The following EIF3L variants were observed in gnomAD, a reference collection of about 807,000 sequenced individuals.
The protein encoded by EIF3L is eukaryotic translation initiation factor 3 subunit L.
Under a neutral mutation model 74.6 loss-of-function variants are expected in EIF3L, and 32 were observed. The ratio of observed to expected loss-of-function variants is 0.43; its 90% confidence interval spans 0.32 to 0.58. EIF3L has a LOEUF of 0.58. Among genes scored for constraint, EIF3L ranks in the 20% least tolerant of loss-of-function variants. EIF3L has a pLI of 0.06. For missense variants in EIF3L, 474 were observed against 707.8 expected (o/e 0.67, Z 3.75); for synonymous variants, 256 against 254.4 (o/e 1.01, Z -0.06).
intron 12 of EIF3L, chr22:37,887,313 A>G (rs1474191278): frequency 6.6e-6 from 1 of 152,172 alleles, no homozygotes; most frequent in Non-Finnish European, 1.5e-5. Flanking sequence ...TCAAGAAAAA[A>G]AAAAAAGAAA....
chr22:37,854,027 C>T (rs1215755797), intron 3 of EIF3L, among the ~76,000 whole-genome samples: 3 of 152,190 alleles, frequency 2.0e-5, no homozygotes, highest in African/African-American at 7.2e-5. Flanking sequence ...TGGGCAGTGC[C>T]CGCAGATACA....
chr22:37,877,648 A>G, intron 10 of EIF3L, 26 bp from the exon 11 acceptor site: 1 of 1,571,632 alleles, frequency 6.4e-7, no homozygotes, highest in Non-Finnish European at 8.6e-7. Flanking sequence ...CATTTGACCC[A>G]GTACCACTCT....
At chr22:37,867,292 C>T (rs1926200057) in intron 7 of EIF3L, among the ~76,000 whole-genome samples, 1 of 152,144 alleles carries the variant, frequency 6.6e-6, no homozygotes, top group South Asian at 2.1e-4. Context: ...GCGTGAGCCA[C>T]CATGCCTAGC....
chr22:37,888,510 A>C lies in EIF3L; in HGVS notation c.*46A>C, dbSNP rs752994108. On this transcript the variant is annotated 3_prime_UTR_variant, in exon 13 of 13. Coordinates refer to ENST00000652021, the MANE Select transcript of EIF3L (RefSeq NM_016091.4). ...GAACCTGTTTTGATGTATTATAGGC[A>C]GGAAGTGTTTTTGCTACCGTGAAAC... 6.2e-7 allele frequency: 1 copy of C among 1,603,284 alleles called. No homozygotes were observed. The highest frequency in any genetic ancestry group is 1.1e-5 in the South Asian group (1 of 90,206).
chr22:37,871,707 A>C (rs1926479573), intron 8 of EIF3L, among the ~76,000 whole-genome samples: 2 of 151,848 alleles, frequency 1.3e-5, no homozygotes, highest in South Asian at 4.2e-4. Context: ...ATCTCTACTA[A>C]AAATACAAAA....
intron 11 of EIF3L, chr22:37,882,901 G>A (rs1258353329): frequency 1.3e-5 from 2 of 151,940 alleles, no homozygotes; most frequent in Non-Finnish European, 2.9e-5. Flanking sequence ...TTGGGAGGCT[G>A]AGGCAGGAGA....
chr22:37,878,118 G>T lies in EIF3L; in HGVS notation c.1522G>T (p.Ala508Ser), dbSNP rs960022400. 4.3e-6 allele frequency: 7 copies of T among 1,613,736 alleles called. No homozygotes were observed. The highest frequency in any genetic ancestry group is 5.9e-6 in the Non-Finnish European group (7 of 1,179,884). Reference sequence around the variant, plus strand: ...CCTCGTGTGGACCAGCGGTATCTCAGCCCTGGATGGTGAATTTCAGTCAGC... The same window carrying T: ...CCTCGTGTGGACCAGCGGTATCTCATCCCTGGATGGTGAATTTCAGTCAGC... ...KNLVWTSGISALDGEFQSASE... is the reference protein window; with the variant it reads ...KNLVWTSGISSLDGEFQSASE... The change falls in exon 11 of 13, where the codon GCC (alanine) becomes TCC (serine). Residue 508 changes from alanine (A) to serine (S), a missense_variant. By Grantham distance (99) the Ala-to-Ser change is moderately conservative. Around this residue, in one of 4 missense-constraint regions of EIF3L, gnomAD observed 293 missense variants for 469.1 expected, o/e 0.62. Transcript: ENST00000652021.
At chr22:37,860,593 G>A (rs1225192738) in intron 5 of EIF3L, among the ~76,000 whole-genome samples, 3 of 152,186 alleles carry the variant, frequency 2.0e-5, no homozygotes, top group South Asian at 2.1e-4. Flanking sequence ...GGCTGGTCTC[G>A]AACTCCTGAC....
rs531378726 is a variant in EIF3L at position 37,851,562 on chromosome 22, G to GT, written c.293+73dup. 1.8e-4 allele frequency: 150 copies of GT among 842,676 alleles called. No homozygotes were observed. The African/African-American group carries it at 2.5e-3, about 14-fold the overall frequency. The allele number at this position is 842,676 out of a possible 1,614,324, so 52.2% of individuals were successfully genotyped here. ...TGGTAATATAGTTCCTACAAATGAG[G>GT]TGAGCACTCTGTAAACAGTACTTTC... On this transcript the variant is annotated intron_variant, in intron 3 of 12. Coordinates refer to ENST00000652021, the MANE Select transcript of EIF3L (RefSeq NM_016091.4).
In EIF3L at chr22:37,863,119, TTTA is replaced by T; in HGVS notation, c.505+82_505+84del. On this transcript the variant is annotated intron_variant, in intron 6 of 12. Coordinates refer to ENST00000652021, the MANE Select transcript of EIF3L (RefSeq NM_016091.4). ...GGCCTCCAGCTTTTTTTTTTTTTTTTTTAAATTAGCAGGATCTTAATGTGTAGG... is the reference window on the plus strand; with the variant it reads ...GGCCTCCAGCTTTTTTTTTTTTTTTTAATTAGCAGGATCTTAATGTGTAGG... The T allele has an allele frequency of 9.9e-6, 13 of 1,319,246 alleles. No homozygotes were observed. The East Asian group carries it at 1.6e-4, about 17-fold the overall frequency. The allele number at this position is 1,319,246 out of a possible 1,614,324, so 81.7% of individuals were successfully genotyped here. A position where few individuals can be genotyped will look rare whatever the true frequency, so the allele number is the denominator to read the frequency against.
At chr22:37,877,489 G>A in intron 10 of EIF3L, 185 bp from the exon 11 acceptor site, 1 of 660,594 alleles carries the variant, frequency 1.5e-6, no homozygotes, top group Non-Finnish European at 2.5e-6. Flanking sequence ...AGGATCTGGA[G>A]CTAGGATGGA....
At chr22:37,850,680 A>C (rs1601749535) in intron 2 of EIF3L, 1 of 163,188 alleles carries the variant, frequency 6.1e-6, no homozygotes, top group East Asian at 1.9e-4. Flanking sequence ...AGTAATTCAA[A>C]CCAAGCCCGA....
rs377503629 is a variant in EIF3L, at chr22:37,858,672, C to T, written c.374-7C>T. ...TTAGTGAAGCACCCTTCTGCCATCT[C>T]TTTCAGATGCTGTCTTCCTGATTTT... On this transcript the variant is annotated splice_region_variant and splice_polypyrimidine_tract_variant and intron_variant, in intron 4 of 12. Transcript: ENST00000652021. The T allele has an allele frequency of 6.2e-7, 1 of 1,610,916 alleles. No homozygotes were observed. Among genetic ancestry groups the T allele is most frequent in the Non-Finnish European group, 8.5e-7 (1 of 1,179,066 alleles).
intron 3 of EIF3L, among the ~76,000 whole-genome samples, chr22:37,853,559 T>C (rs958295977): frequency 9.2e-5 from 14 of 152,178 alleles, no homozygotes; most frequent in African/African-American, 3.4e-4. Flanking sequence ...CACTTGAGCC[T>C]GGGAGGTTGA....
chr22:37,854,656 G>A (rs568103287), intron 3 of EIF3L, among the ~76,000 whole-genome samples: 85 of 152,132 alleles, frequency 5.6e-4, no homozygotes, highest in Middle Eastern at 3.4e-3. Flanking sequence ...TAGTGGAGAC[G>A]GGGTTTCACC....
chr22:37,881,375 C>G (rs1388401556), intron 11 of EIF3L: 5 of 152,146 alleles, frequency 3.3e-5, no homozygotes, highest in African/African-American at 1.2e-4. Context: ...GCTGGGACTA[C>G]AGGCGCTGAT....
At chr22:37,871,871 G>GAAA (rs1569118913) in intron 8 of EIF3L, among the ~76,000 whole-genome samples, 3 of 111,608 alleles carry the variant, frequency 2.7e-5, no homozygotes, top group Non-Finnish European at 3.8e-5. Context: ...TCTGTCTCGG[G>GAAA]GAAAAAAAAA....
intron 11 of EIF3L, chr22:37,882,025 T>C (rs1927076308): frequency 6.6e-6 from 1 of 152,150 alleles, no homozygotes. Context: ...AGAAAAAGCA[T>C]GCTGGGCATG....
intron 8 of EIF3L, among the ~76,000 whole-genome samples, chr22:37,872,817 G>A (rs1209907150): frequency 1.3e-5 from 2 of 150,938 alleles, no homozygotes; most frequent in African/African-American, 2.4e-5. Context: ...GTAGAAACAA[G>A]GTCTCACTTT....
Sources: gnomAD v4.1 joint callset for allele counts (sites outside exome capture counted in the v4.1 genomes callset) on GRCh38, gnomAD v4.1.1 for gene constraint, gnomAD v4.1.1 regional missense constraint, MANE v1.5 for transcripts, NCBI Gene and HGNC (gene_info 2026-07-23, HGNC 2026-07-21) for gene names.